CCAR1: variants seen among roughly 807,000 people sequenced by gnomAD.
The protein encoded by CCAR1 is cell division cycle and apoptosis regulator 1.
A neutral mutation model predicts 163.8 loss-of-function variants in CCAR1; 78 were observed. The ratio of observed to expected loss-of-function variants is 0.48; its 90% CI spans 0.40 to 0.57. The LOEUF is 0.57. Among genes scored for constraint, CCAR1 ranks in the 20% least tolerant of loss-of-function variants. The probability of loss-of-function intolerance (pLI) is 0.00; values close to 1 mark genes in which losing one functional copy is unlikely to be tolerated. For missense variants in CCAR1, 1,019 were observed against 1,365.2 expected, an observed-to-expected ratio of 0.75 and a Z score of 4.00; for synonymous variants, 443 against 460.7, an observed-to-expected ratio of 0.96 and a Z score of 0.49.
At chr10:68,788,990 A>G (rs532072988) in intron 23 of CCAR1, among the ~76,000 whole-genome samples, 3 of 150,730 alleles carry the variant, frequency 2.0e-5, no homozygotes, top group East Asian at 2.0e-4. Context: ...GCCCATTGCA[A>G]CCTCCACCTC....
chr10:68,789,976 A>C (rs969617785), intron 24 of CCAR1, 61 bp downstream of exon 24: 1 of 988,010 alleles, frequency 1.0e-6, no homozygotes, highest in Non-Finnish European at 1.5e-6. Flanking sequence ...TGGTGTTTTT[A>C]ATGTATTTTA....
chr10:68,776,984 C>G (rs2056674485), intron 19 of CCAR1, among the ~76,000 whole-genome samples: 1 of 152,196 alleles, frequency 6.6e-6, no homozygotes, highest in African/African-American at 2.4e-5. Context: ...AGAAAGAAAA[C>G]ATACACAAAT....
chr10:68,764,717 C>G (rs1429969284), intron 16 of CCAR1, among the ~76,000 whole-genome samples: 1 of 152,146 alleles, frequency 6.6e-6, no homozygotes, highest in East Asian at 1.9e-4. Context: ...GATACATGAT[C>G]TATCTACCAA....
At chr10:68,726,541 C>A (rs529808094) in intron 2 of CCAR1, among the ~76,000 whole-genome samples, 134 of 152,242 alleles carry the variant, frequency 8.8e-4, no homozygotes, top group African/African-American at 6.3e-4. Context: ...CCATCTCTGG[C>A]TTGGTGGTGA....
chr10:68,731,731 C>A (rs114113714), intron 2 of CCAR1, among the ~76,000 whole-genome samples: 2,146 of 151,370 alleles, frequency 0.014, 58 homozygotes, highest in African/African-American at 0.049. Context: ...GCTGGGATTA[C>A]AGGCATGGGC....
intron 2 of CCAR1, among the ~76,000 whole-genome samples, chr10:68,728,007 T>G (rs992788570): frequency 6.6e-6 from 1 of 152,064 alleles, no homozygotes; most frequent in African/African-American, 2.4e-5. Context: ...CGGCTAATTT[T>G]TGTATATTTA....
intron 15 of CCAR1, among the ~76,000 whole-genome samples, chr10:68,758,549 C>G (rs2056424838): frequency 1.5e-5 from 2 of 132,618 alleles, no homozygotes; most frequent in East Asian, 2.4e-4. Context: ...TGTGTGTATA[C>G]AGTGTATACA....
At chr10:68,771,488 C>A (rs2056601756) in intron 18 of CCAR1, 43 bp downstream of exon 18, 3 of 1,494,282 alleles carry the variant, frequency 2.0e-6, no homozygotes, top group Non-Finnish European at 1.8e-6. Flanking sequence ...AGTTACTCTT[C>A]TAGGTTATAA....
chr10:68,771,405 G>T lies in CCAR1; in HGVS notation c.2498G>T (p.Gly833Val). The T allele has an allele frequency of 6.3e-7, 1 of 1,586,956 alleles. No individual in the cohort carries two copies. The highest frequency in any genetic ancestry group is 2.2e-5 in the East Asian group (1 of 44,638). The part of the protein sequence containing the change: ...DEPKPKRRKS[G>V]DDKDKKEDRD... Reference sequence around the variant, plus strand: ...CCAAAACCCAAACGGAGAAAATCAGGCGATGATAAAGATAAAAAAGAAGAT... The same window carrying T: ...CCAAAACCCAAACGGAGAAAATCAGTCGATGATAAAGATAAAAAAGAAGAT... The change falls in exon 18 of 25, where the codon GGC (glycine) becomes GTC (valine). Residue 833 changes from glycine (G) to valine (V), a missense_variant. Transcript: ENST00000265872.
chr10:68,748,541 T>TG (rs2056289134), intron 8 of CCAR1, among the ~76,000 whole-genome samples: 3 of 144,610 alleles, frequency 2.1e-5, no homozygotes, highest in African/African-American at 7.8e-5. Context: ...AAGGCTAGAG[T>TG]GCAGTGGTGT....
At chr10:68,748,485 CTTTTTTTTT>C (rs768641201) in intron 8 of CCAR1, among the ~76,000 whole-genome samples, 29 of 117,828 alleles carry the variant, frequency 2.5e-4, no homozygotes, top group Admixed American at 2.4e-3. Context: ...GTGACATGTT[CTTTTTTTTT>C]TTTTTTTTTT....
chr10:68,771,569 A>G (rs1439399120), intron 18 of CCAR1, 124 bp downstream of exon 18: 2 of 934,684 alleles, frequency 2.1e-6, no homozygotes, highest in African/African-American at 1.6e-5. Flanking sequence ...ATATTAGAAA[A>G]TCAAGTCTTT....
intron 2 of CCAR1, among the ~76,000 whole-genome samples, chr10:68,733,872 C>T (rs1302837332): frequency 6.6e-6 from 1 of 152,094 alleles, no homozygotes; most frequent in Non-Finnish European, 1.5e-5. Context: ...CCATGTTGGC[C>T]ATGCTGGTCT....
At chr10:68,755,157 A>G in intron 12 of CCAR1, 1 of 736,588 alleles carries the variant, frequency 1.4e-6, no homozygotes, top group Non-Finnish European at 2.5e-6. Context: ...ATCTGAAGAA[A>G]TATTTTAAAA....
intron 6 of CCAR1, among the ~76,000 whole-genome samples, chr10:68,742,823 GC>G (rs2056199541): frequency 6.6e-6 from 1 of 152,094 alleles, no homozygotes; most frequent in African/African-American, 2.4e-5. Context: ...CACCATGTCG[GC>G]CAGATTGGTC....
chr10:68,771,476 T>G, intron 18 of CCAR1, 31 bp downstream of exon 18: 1 of 1,527,520 alleles, frequency 6.5e-7, no homozygotes, highest in Non-Finnish European at 8.9e-7. Context: ...TTAGAAGCTT[T>G]CAGTTACTCT....
intron 5 of CCAR1, among the ~76,000 whole-genome samples, chr10:68,740,882 A>G (rs886904117): frequency 1.3e-4 from 19 of 147,300 alleles, no homozygotes; most frequent in Admixed American, 2.7e-4. Flanking sequence ...ATGAGGTTTT[A>G]TTTTATTTAT....
intron 2 of CCAR1, among the ~76,000 whole-genome samples, chr10:68,726,786 A>C (rs146710723): frequency 0.02 from 3,063 of 151,802 alleles, 108 homozygotes; most frequent in African/African-American, 0.07. Context: ...TCACGAGGTC[A>C]GGAGTCCGAG....
intron 16 of CCAR1, among the ~76,000 whole-genome samples, 153 bp from the exon 17 acceptor site, chr10:68,765,735 C>A (rs2056527906): frequency 1.3e-5 from 2 of 152,134 alleles, no homozygotes; most frequent in South Asian, 4.1e-4. Flanking sequence ...TTCCTCCCTT[C>A]TCAACGCTTA....
Sources: gnomAD v4.1 joint callset for allele counts (sites outside exome capture counted in the v4.1 genomes callset) on GRCh38, gnomAD v4.1.1 for gene constraint, MANE v1.5 for transcripts, NCBI Gene and HGNC (gene_info 2026-07-23, HGNC 2026-07-21) for gene names.